GRID2: variants seen among roughly 807,000 people sequenced by gnomAD.
GRID2 encodes glutamate receptor ionotropic, delta-2.
In GRID2, 33 loss-of-function variants were observed where a neutral mutation model predicts 114.8. The observed-to-expected ratio is 0.29, with a 90% confidence interval of 0.22 to 0.38. The LOEUF (loss-of-function observed/expected upper bound fraction) is 0.38, where lower values mean the gene tolerates loss of function less well. Among genes scored for constraint, GRID2 ranks in the 10% least tolerant of loss-of-function variants. The pLI is 1.00. For synonymous variants in GRID2, 505 were observed against 449.9 expected, an observed-to-expected ratio of 1.12 and a Z score of -1.55; for missense variants, 1,184 against 1,257.7, an observed-to-expected ratio of 0.94 and a Z score of 0.89.
At chr4:93,500,051 C>T (rs572187490) in intron 12 of GRID2, among the ~76,000 whole-genome samples, 1 of 152,040 alleles carries the variant, frequency 6.6e-6, no homozygotes, top group Admixed American at 6.6e-5. Flanking sequence ...ATAAAGAGAG[C>T]TTTGCAGAAA....
intron 1 of GRID2, among the ~76,000 whole-genome samples, chr4:92,362,260 A>T (rs1220748994): frequency 6.6e-6 from 1 of 151,978 alleles, no homozygotes; most frequent in Non-Finnish European, 1.5e-5. Flanking sequence ...AAACAGAAAG[A>T]GTCTGTTCTG....
At chr4:92,594,134 A>G (rs573517657) in intron 2 of GRID2, among the ~76,000 whole-genome samples, 21 of 151,850 alleles carry the variant, frequency 1.4e-4, no homozygotes, top group African/African-American at 5.1e-4. Flanking sequence ...TTACATCACT[A>G]GTCCAGTATT....
intron 8 of GRID2, among the ~76,000 whole-genome samples, chr4:93,271,876 T>A (rs1295421471): frequency 1.3e-5 from 2 of 152,344 alleles, no homozygotes; most frequent in East Asian, 3.9e-4. Context: ...TAATTACATT[T>A]TATGTCTTTG....
chr4:93,106,866 G>A (rs575652916), intron 3 of GRID2, among the ~76,000 whole-genome samples: 7 of 152,220 alleles, frequency 4.6e-5, no homozygotes, highest in Admixed American at 2.0e-4. Context: ...GGGAAGAGTG[G>A]TGGTCTCTTA....
chr4:92,646,000 A>G (rs527372268), intron 2 of GRID2, among the ~76,000 whole-genome samples: 6 of 151,862 alleles, frequency 4.0e-5, no homozygotes, highest in Non-Finnish European at 7.4e-5. Context: ...TTGGTGGGTC[A>G]TAGGATGACA....
chr4:93,343,520 A>G (rs1759873755), intron 8 of GRID2, among the ~76,000 whole-genome samples: 1 of 152,130 alleles, frequency 6.6e-6, no homozygotes, highest in Non-Finnish European at 1.5e-5. Flanking sequence ...GGAAATATTT[A>G]ATATGCAATA....
chr4:93,603,612 A>T (rs1319448830), intron 13 of GRID2, among the ~76,000 whole-genome samples: 1 of 152,222 alleles, frequency 6.6e-6, no homozygotes, highest in Admixed American at 6.5e-5. Flanking sequence ...ATTGAAAGAA[A>T]GTTCCATCTA....
At chr4:93,251,988 T>C (rs1044904871) in intron 8 of GRID2, among the ~76,000 whole-genome samples, 2 of 152,140 alleles carry the variant, frequency 1.3e-5, no homozygotes, top group Admixed American at 1.3e-4. Context: ...TTCCTTTGAG[T>C]ATGTAACTAG....
intron 3 of GRID2, among the ~76,000 whole-genome samples, chr4:93,088,946 A>G (rs1442838905): frequency 6.6e-6 from 1 of 152,166 alleles, no homozygotes; most frequent in Admixed American, 6.6e-5. Flanking sequence ...ATGTAATAAT[A>G]AGGGCTAATC....
At chr4:92,726,918 A>G (rs557191758) in intron 2 of GRID2, among the ~76,000 whole-genome samples, 1 of 152,234 alleles carries the variant, frequency 6.6e-6, no homozygotes, top group African/African-American at 2.4e-5. Flanking sequence ...AATGGTCATC[A>G]TAAATTAGAC....
At chr4:92,679,185 G>A (rs910796946) in intron 2 of GRID2, among the ~76,000 whole-genome samples, 12 of 151,798 alleles carry the variant, frequency 7.9e-5, no homozygotes, top group Non-Finnish European at 1.3e-4. Context: ...AATTAAAATC[G>A]TTGTACTGAT....
At chr4:92,381,513 T>G (rs1268514462) in intron 1 of GRID2, among the ~76,000 whole-genome samples, 2 of 151,974 alleles carry the variant, frequency 1.3e-5, no homozygotes, top group Non-Finnish European at 2.9e-5. Flanking sequence ...AGTGTTTTTT[T>G]TTTTCCAGCA....
In GRID2 at chr4:92,741,245, GT is replaced by G. The variant is rs1460108387; in HGVS notation, c.244+150960del. Among the ~76,000 whole-genome samples, 11 of 152,242 alleles carry G rather than the reference GT, an allele frequency of 7.2e-5. No homozygotes were observed. The East Asian group carries it at 1.9e-3, about 27-fold the overall frequency. On this transcript the variant is annotated intron_variant, in intron 2 of 15. Coordinates refer to ENST00000282020, the MANE Select transcript of GRID2 (RefSeq NM_001510.4). ...GATTATTCCTATCTCATAGATGGTTGTGTGGATTTAATGAACTAGTATTTAT... is the reference window on the plus strand; with the variant it reads ...GATTATTCCTATCTCATAGATGGTTGGTGGATTTAATGAACTAGTATTTAT...
rs749980319 is a variant in GRID2 at position 92,451,548 on chromosome 4, C to T, written c.89-138583C>T. On this transcript the variant is annotated intron_variant, in intron 1 of 15. Coordinates refer to ENST00000282020, the MANE Select transcript of GRID2 (RefSeq NM_001510.4). ...CTTCCCACATTTTAATGAATGTGCT[C>T]AGGGTAGAAGTAATAAATTATTTTA... Among the ~76,000 whole-genome samples the T allele has an allele frequency of 7.0e-4, 107 of 151,982 alleles. 2 individuals are homozygous for T. The highest frequency in any genetic ancestry group is 3.9e-4 in the Admixed American group (6 of 15,252).
At chr4:92,478,123 A>G (rs748242007) in intron 1 of GRID2, among the ~76,000 whole-genome samples, 1 of 151,958 alleles carries the variant, frequency 6.6e-6, no homozygotes, top group African/African-American at 2.4e-5. Flanking sequence ...TATTACTGCA[A>G]TTACCATATC....
chr4:93,446,482 G>A (rs1027785776), intron 10 of GRID2, among the ~76,000 whole-genome samples: 12 of 151,978 alleles, frequency 7.9e-5, no homozygotes, highest in Non-Finnish European at 1.5e-4. Context: ...TAAACCAAGA[G>A]AAGAAATGAA....
At chr4:92,896,312 G>A (rs1485232175) in intron 2 of GRID2, among the ~76,000 whole-genome samples, 1 of 152,156 alleles carries the variant, frequency 6.6e-6, no homozygotes, top group African/African-American at 2.4e-5. Context: ...AGACAGTAGT[G>A]AGGAAACACA....
intron 1 of GRID2, among the ~76,000 whole-genome samples, chr4:92,589,731 T>G (rs188627375): frequency 6.6e-6 from 1 of 152,196 alleles, no homozygotes; most frequent in East Asian, 1.9e-4. Context: ...TCCTATATAT[T>G]CTATGAATGG....
intron 13 of GRID2, among the ~76,000 whole-genome samples, chr4:93,600,038 C>T (rs1039253954): frequency 3.3e-5 from 5 of 152,134 alleles, no homozygotes; most frequent in African/African-American, 4.8e-5. Flanking sequence ...AAGATTTAAG[C>T]GTAACTTAGC....
Sources: gnomAD v4.1 joint callset for allele counts (sites outside exome capture counted in the v4.1 genomes callset) on GRCh38, gnomAD v4.1.1 for gene constraint, MANE v1.5 for transcripts, NCBI Gene and HGNC (gene_info 2026-07-23, HGNC 2026-07-21) for gene names.